Variants in LOXL2 observed in about 807,000 individuals in gnomAD.
The protein encoded by LOXL2 is lysyl oxidase homolog 2.
Under a neutral mutation model 93.0 loss-of-function variants are expected in LOXL2, and 70 were observed. The observed-to-expected ratio is 0.75, with a 90% CI of 0.62 to 0.92. The LOEUF (loss-of-function observed/expected upper bound fraction) is 0.92, where lower values mean the gene tolerates loss of function less well. Ranked by LOEUF, LOXL2 falls within the 40% of genes least tolerant of loss-of-function variation. LOXL2 has a pLI of 0.00. For missense variants in LOXL2, 973 were observed against 1,054.9 expected, an observed-to-expected ratio of 0.92 and a Z score of 1.08; for synonymous variants, 438 against 413.2, an observed-to-expected ratio of 1.06 and a Z score of -0.73.
chr8:23,342,586 C>T lies in LOXL2; in HGVS notation c.532-1383G>A, dbSNP rs540845972. On this transcript the variant is annotated intron_variant, in intron 3 of 13. Transcript: ENST00000389131. ...AGCTGGGACTACAGGCGCACGCCAC[C>T]ACACCCGGCCAATTGTTTGTATTTT... Among the ~76,000 whole-genome samples, 65 of 152,158 alleles carry T rather than the reference C, an allele frequency of 4.3e-4. No individual in the cohort carries two copies. The South Asian group carries it at 6.0e-3, about 14-fold the overall frequency.
At chr8:23,313,913 T>G (rs1352956287) in intron 9 of LOXL2, among the ~76,000 whole-genome samples, 2 of 140,516 alleles carry the variant, frequency 1.4e-5, no homozygotes, top group Non-Finnish European at 3.1e-5. Flanking sequence ...AAAGGGCTAA[T>G]ATCCAGAATC....
chr8:23,331,535 C>T (rs1803677489), intron 5 of LOXL2: 1 of 152,262 alleles, frequency 6.6e-6, no homozygotes, highest in Non-Finnish European at 1.5e-5. Flanking sequence ...GGTCACTTCT[C>T]CTATCCCTCC....
At position 23,306,626 on chromosome 8, in the gene LOXL2, A is replaced by T. The variant is rs114868626; in HGVS notation, c.1880+3042T>A. ...GCCGCACATGTGGTAGGCAGGGTGG[A>T]GTGAAAGGGAGTCTCTCCTCTTTGC... On this transcript the variant is annotated intron_variant, in intron 10 of 13. Coordinates refer to ENST00000389131, the MANE Select transcript of LOXL2 (RefSeq NM_002318.3). Among the ~76,000 whole-genome samples, 3 of 152,234 alleles carry T rather than the reference A, an allele frequency of 2.0e-5. No homozygotes were observed. The South Asian group carries it at 6.2e-4, about 31-fold the overall frequency.
rs199688325 is a variant in LOXL2 at position 23,332,800 on chromosome 8, ACACTCATACACCCC to A, written c.966+587_966+600del. On this transcript the variant is annotated intron_variant, in intron 5 of 13. Transcript: ENST00000389131. ...CATACACCCCCCCACACTCATACCC[ACACTCATACACCCC>A]CACTCATACACACCCACACACTCAC... Among the ~76,000 whole-genome samples, 113 of 43,376 alleles carry A rather than the reference ACACTCATACACCCC, an allele frequency of 2.6e-3. 1 individual carries two copies. The highest frequency in any genetic ancestry group is 0.011 in the African/African-American group (104 of 9,560). 28.5% of individuals were successfully genotyped at this position (43,376 alleles called of 152,430 possible).
chr8:23,315,967 C>G (rs117726913), intron 9 of LOXL2, among the ~76,000 whole-genome samples: 3,581 of 152,338 alleles, frequency 0.024, 119 homozygotes, highest in South Asian at 0.16. Flanking sequence ...GATGCTTTCC[C>G]CCGGGGAGCT....
chr8:23,399,787 T>C (rs1563212695), intron 1 of LOXL2, among the ~76,000 whole-genome samples: 1 of 152,196 alleles, frequency 6.6e-6, no homozygotes, highest in Non-Finnish European at 1.5e-5. Flanking sequence ...GTCATGCTTG[T>C]GCAACTGCAG....
At position 23,298,936 on chromosome 8, in the gene LOXL2, G is replaced by C. The variant is rs1340909465; in HGVS notation, c.2145C>G (p.Asn715Lys). Residue 715 changes from asparagine (N) to lysine (K), a missense_variant, in exon 13 of 14, where the codon AAC (asparagine) becomes AAG (lysine). By Grantham distance (94) the Asn-to-Lys change is moderately conservative. Transcript: ENST00000389131. The stretch of plus-strand genomic sequence containing the variant: ...CGGATTCTGCAACCTCGAAGTTGGG[G>C]TTAATAACAACCTAGGGAGAAGCAG... ...PGDYLFQVVI[N>K]PNFEVAESDY... The C allele has an allele frequency of 6.2e-7, 1 of 1,607,390 alleles. No individual in the cohort carries two copies. Among genetic ancestry groups the C allele is most frequent in the Admixed American group, 1.7e-5 (1 of 60,014 alleles).
At position 23,397,496 on chromosome 8, in the gene LOXL2, C is replaced by T. The variant is rs572620626; in HGVS notation, c.-84+6458G>A. 1.1e-4 allele frequency among the ~76,000 whole-genome samples: 17 copies of T among 152,154 alleles called. No homozygotes were observed. In the Middle Eastern group the frequency reaches 0.01, roughly 91 times the overall value. The stretch of plus-strand genomic sequence containing the variant: ...AATCATCTTTAGAAATATGCTTTTC[C>T]GGCCAGGCACAGTGGCTCACGCCTG... On this transcript the variant is annotated intron_variant, in intron 1 of 13. Transcript: ENST00000389131.
chr8:23,374,925 G>A (rs1276976691), intron 1 of LOXL2, among the ~76,000 whole-genome samples: 1 of 152,116 alleles, frequency 6.6e-6, no homozygotes, highest in Non-Finnish European at 1.5e-5. Flanking sequence ...AGTTTCTTTT[G>A]CTGTGCAGAA....
intron 13 of LOXL2, among the ~76,000 whole-genome samples, chr8:23,298,434 G>C (rs900475302): frequency 3.3e-5 from 5 of 152,118 alleles, no homozygotes; most frequent in African/African-American, 9.7e-5. Flanking sequence ...ATCATCCAAG[G>C]AAAAAAGTGT....
chr8:23,366,280 G>C (rs1804399086), intron 2 of LOXL2, among the ~76,000 whole-genome samples: 1 of 152,246 alleles, frequency 6.6e-6, no homozygotes. Context: ...CAGGAAGTGG[G>C]TTCTAAAGCC....
At chr8:23,316,198 T>C (rs1427350390) in intron 9 of LOXL2, among the ~76,000 whole-genome samples, 1 of 152,186 alleles carries the variant, frequency 6.6e-6, no homozygotes, top group African/African-American at 2.4e-5. Context: ...CACATATTAA[T>C]TGTCACACTT....
chr8:23,381,906 T>G (rs893045625), intron 1 of LOXL2, among the ~76,000 whole-genome samples: 1 of 152,230 alleles, frequency 6.6e-6, no homozygotes, highest in African/African-American at 2.4e-5. Flanking sequence ...CCTAACACAG[T>G]GCCTGGTGCA....
At chr8:23,349,755 C>G (rs1804059708) in intron 3 of LOXL2, among the ~76,000 whole-genome samples, 1 of 151,924 alleles carries the variant, frequency 6.6e-6, no homozygotes, top group African/African-American at 2.4e-5. Context: ...ATTACCCACA[C>G]AGTAAGAAAT....
intron 3 of LOXL2, among the ~76,000 whole-genome samples, chr8:23,354,518 A>G (rs10108046): frequency 0.044 from 6,721 of 152,180 alleles, 454 homozygotes; most frequent in African/African-American, 0.15. Context: ...AGTCAAGGCC[A>G]TCAGGGGCTG....
At chr8:23,391,400 G>A (rs1042344506) in intron 1 of LOXL2, among the ~76,000 whole-genome samples, 2 of 152,142 alleles carry the variant, frequency 1.3e-5, no homozygotes, top group Non-Finnish European at 2.9e-5. Flanking sequence ...AGAAGTTAAA[G>A]TGCCCAGTAT....
Position 23,302,146 on chromosome 8 carries a change from C to T in LOXL2, c.2014G>A (p.Glu672Lys), listed in dbSNP as rs202213124. The change falls in exon 12 of 14, where the codon GAG (glutamate) becomes AAG (lysine). Residue 672 changes from glutamate to lysine, a missense_variant. Physicochemically the swap from Glu to Lys is moderately conservative, Grantham distance 56. Coordinates refer to ENST00000389131, the MANE Select transcript of LOXL2 (RefSeq NM_002318.3). ...ECEGDIQKNY[E>K]CANFGDQGIT... ...CCCTGATCGCCGAAGTTGGCACACT[C>T]GTAATTCTTCTGGATGTCTGCGGGC... is the stretch of plus-strand genomic sequence containing the variant. The T allele has an allele frequency of 5.6e-6, 9 of 1,614,148 alleles. No individual in the cohort carries two copies. Among genetic ancestry groups the T allele is most frequent in the Middle Eastern group, 1.6e-4 (1 of 6,062 alleles).
At chr8:23,330,811 T>G (rs1222393914) in intron 5 of LOXL2, among the ~76,000 whole-genome samples, 1 of 146,708 alleles carries the variant, frequency 6.8e-6, no homozygotes, top group African/African-American at 2.5e-5. Context: ...TGGTGGGGGT[T>G]TGGGGGGTGG....
rs572997964 is a variant in LOXL2 at position 23,375,678 on chromosome 8, A to T, written c.-83-7244T>A. 2.0e-5 allele frequency among the ~76,000 whole-genome samples: 3 copies of T among 152,196 alleles called. No homozygotes were observed. The South Asian group carries it at 6.2e-4, about 32-fold the overall frequency. On this transcript the variant is annotated intron_variant, in intron 1 of 13. Transcript: ENST00000389131. Reference sequence around the variant, plus strand: ...GTCCTTTACATCCCTTGCAAGATGGATTACTAGGTATTTTATTCTCTTTGA... The same window carrying T: ...GTCCTTTACATCCCTTGCAAGATGGTTTACTAGGTATTTTATTCTCTTTGA...
Sources: gnomAD v4.1 joint callset for allele counts (sites outside exome capture counted in the v4.1 genomes callset) on GRCh38, gnomAD v4.1.1 for gene constraint, MANE v1.5 for transcripts, NCBI Gene and HGNC (gene_info 2026-07-23, HGNC 2026-07-21) for gene names.